Variants in STX8 observed in about 807,000 individuals in gnomAD.
STX8 encodes the protein syntaxin 8.
STX8 carries 23 observed loss-of-function variants against 37.5 expected under a neutral mutation model. The observed-to-expected ratio is 0.61, with a 90% CI of 0.44 to 0.87. The LOEUF is 0.87. Ranked by LOEUF, STX8 falls within the 40% of genes least tolerant of loss-of-function variation. STX8 has a pLI of 0.00. For synonymous variants in STX8, 115 were observed against 99.1 expected, an observed-to-expected ratio of 1.16 and a Z score of -0.95; for missense variants, 313 against 284.7, an observed-to-expected ratio of 1.10 and a Z score of -0.71.
chr17:9,281,002 G>A (rs1907861794), intron 7 of STX8, among the ~76,000 whole-genome samples: 1 of 152,166 alleles, frequency 6.6e-6, no homozygotes, highest in Admixed American at 6.6e-5. Flanking sequence ...GATTGCACAG[G>A]GCCCTAGGTG....
At chr17:9,489,283 A>C (rs141084751) in intron 6 of STX8, among the ~76,000 whole-genome samples, 6 of 152,352 alleles carry the variant, frequency 3.9e-5, no homozygotes, top group Non-Finnish European at 5.9e-5. Context: ...AATTAAAAAA[A>C]ATGAAAACAA....
intron 6 of STX8, among the ~76,000 whole-genome samples, chr17:9,481,034 G>A (rs898706536): frequency 3.9e-5 from 6 of 152,032 alleles, no homozygotes; most frequent in Non-Finnish European, 5.9e-5. Flanking sequence ...ACAGGCACCC[G>A]CCACCACACC....
intron 5 of STX8, among the ~76,000 whole-genome samples, chr17:9,504,525 T>C (rs918205199): frequency 6.6e-6 from 1 of 152,132 alleles, no homozygotes; most frequent in African/African-American, 2.4e-5. Flanking sequence ...TCTCTGCTCT[T>C]GCCCAATGGA....
At chr17:9,494,003 GTTTTGTTTTT>G (rs1906974736) in intron 5 of STX8, among the ~76,000 whole-genome samples, 1 of 53,288 alleles carries the variant, frequency 1.9e-5, no homozygotes, top group Non-Finnish European at 5.9e-5. Context: ...GTTTTTTTTT[GTTTTGTTTTT>G]TTGTTGTTGT....
At chr17:9,440,089 G>A (rs1567561604) in intron 6 of STX8, among the ~76,000 whole-genome samples, 1 of 152,038 alleles carries the variant, frequency 6.6e-6, no homozygotes, top group Non-Finnish European at 1.5e-5. Flanking sequence ...CAGAACCATG[G>A]AAAATACCAC....
chr17:9,424,903 A>G (rs2142357198), intron 6 of STX8, among the ~76,000 whole-genome samples: 1 of 152,270 alleles, frequency 6.6e-6, no homozygotes, highest in East Asian at 1.9e-4. Flanking sequence ...ACAAATTCAG[A>G]AATAACTATA....
rs1327220351 is a variant in STX8 at position 9,575,766 on chromosome 17, C to T, written c.17+26G>A. 4.5e-6 allele frequency: 7 copies of T among 1,546,420 alleles called. No homozygotes were observed. In the Admixed American group the frequency reaches 1.2e-4, roughly 26 times the overall value. On this transcript the variant is annotated intron_variant, in intron 1 of 7. Coordinates refer to ENST00000306357, the MANE Select transcript of STX8 (RefSeq NM_004853.3). Reference sequence around the variant, plus strand: ...CGGCCTCCCCGAAGGTCCCTCCACGCACCGCCGCCCTCACCCGGGACTCAC... The same window carrying T: ...CGGCCTCCCCGAAGGTCCCTCCACGTACCGCCGCCCTCACCCGGGACTCAC...
At chr17:9,522,099 G>T (rs536348508) in intron 4 of STX8, among the ~76,000 whole-genome samples, 1 of 151,930 alleles carries the variant, frequency 6.6e-6, no homozygotes, top group Non-Finnish European at 1.5e-5. Context: ...AGTCACACAG[G>T]CCATCTTAAG....
intron 7 of STX8, among the ~76,000 whole-genome samples, chr17:9,271,443 A>C (rs1907454974): frequency 6.6e-6 from 1 of 150,944 alleles, no homozygotes; most frequent in Admixed American, 6.6e-5. Context: ...ACAGAGTGAG[A>C]CCCTGTCTCA....
At chr17:9,302,892 T>C (rs185045770) in intron 7 of STX8, among the ~76,000 whole-genome samples, 85 of 151,694 alleles carry the variant, frequency 5.6e-4, no homozygotes, top group Non-Finnish European at 9.6e-4. Context: ...ATTTTTATTG[T>C]AGTAGTGGTT....
At chr17:9,317,576 T>C (rs919152442) in intron 7 of STX8, among the ~76,000 whole-genome samples, 1 of 151,986 alleles carries the variant, frequency 6.6e-6, no homozygotes, top group Non-Finnish European at 1.5e-5. Flanking sequence ...CCATCCTGGC[T>C]AACACAGTGA....
intron 3 of STX8, among the ~76,000 whole-genome samples, chr17:9,547,779 TTTC>T (rs1207332904): frequency 8.3e-5 from 10 of 120,392 alleles, no homozygotes; most frequent in Non-Finnish European, 1.2e-4. Context: ...TTTCTTTTCT[TTTC>T]TTTTTTTTTT....
At chr17:9,310,226 G>T (rs992060698) in intron 7 of STX8, among the ~76,000 whole-genome samples, 3 of 152,148 alleles carry the variant, frequency 2.0e-5, no homozygotes, top group Non-Finnish European at 4.4e-5. Context: ...GAACTTCGTG[G>T]TGGAGACTGT....
At chr17:9,257,640 T>C (rs939630587) in intron 7 of STX8, among the ~76,000 whole-genome samples, 3 of 152,214 alleles carry the variant, frequency 2.0e-5, no homozygotes, top group African/African-American at 7.2e-5. Flanking sequence ...TCTGGTTTTG[T>C]TGCAAGGAAA....
intron 6 of STX8, among the ~76,000 whole-genome samples, chr17:9,410,208 T>C (rs530293376): frequency 3.2e-4 from 48 of 152,348 alleles, no homozygotes; most frequent in Non-Finnish European, 5.7e-4. Context: ...ATGATGGTCA[T>C]AACATCACTA....
At chr17:9,374,424 G>A (rs559996950) in intron 7 of STX8, among the ~76,000 whole-genome samples, 3 of 152,094 alleles carry the variant, frequency 2.0e-5, no homozygotes, top group Non-Finnish European at 4.4e-5. Context: ...TTTGCCAAGA[G>A]TTGCTAGACC....
chr17:9,511,037 A>G (rs1365384592), intron 4 of STX8, among the ~76,000 whole-genome samples: 1 of 152,160 alleles, frequency 6.6e-6, no homozygotes, highest in East Asian at 1.9e-4. Flanking sequence ...GGACACATAC[A>G]ACCTATCAAG....
intron 1 of STX8, among the ~76,000 whole-genome samples, chr17:9,574,362 T>C (rs367617370): frequency 1.5e-5 from 2 of 134,292 alleles, no homozygotes; most frequent in Non-Finnish European, 3.3e-5. Flanking sequence ...TATATATATA[T>C]AAAAATATAG....
At chr17:9,484,810 G>C (rs1458576541) in intron 6 of STX8, among the ~76,000 whole-genome samples, 1 of 152,188 alleles carries the variant, frequency 6.6e-6, no homozygotes, top group Non-Finnish European at 1.5e-5. Flanking sequence ...CTGGGTGACA[G>C]AGCAAGATTC....
Sources: gnomAD v4.1 joint callset for allele counts (sites outside exome capture counted in the v4.1 genomes callset) on GRCh38, gnomAD v4.1.1 for gene constraint, MANE v1.5 for transcripts, NCBI Gene and HGNC (gene_info 2026-07-23, HGNC 2026-07-21) for gene names.